SNX18: variants seen among roughly 807,000 people sequenced by gnomAD.
SNX18 encodes sorting nexin 18, also known as sorting nexin-18.
SNX18 carries 35 observed loss-of-function variants against 48.7 expected under a neutral mutation model. The observed-to-expected ratio is 0.72, with a 90% confidence interval of 0.55 to 0.95. The LOEUF is 0.95. Among genes scored for constraint, SNX18 ranks in the 40% least tolerant of loss-of-function variants. The pLI is 0.00. For missense variants in SNX18, 824 were observed against 871.0 expected (o/e 0.95, Z 0.68); for synonymous variants, 492 against 384.7 (o/e 1.28, Z -3.26).
At chr5:54,547,439 A>G (rs1430173290), downstream of SNX18, among the ~76,000 whole-genome samples, 2 of 152,248 alleles carry the variant, frequency 1.3e-5, no homozygotes, top group African/African-American at 4.8e-5. Flanking sequence ...AAACTAGATT[A>G]CACTGAATGT....
chr5:54,577,986 C>T, the SNX18 span, among the ~76,000 whole-genome samples: 1 of 152,178 alleles, frequency 6.6e-6, no homozygotes, highest in Non-Finnish European at 1.5e-5. Flanking sequence ...CTCATTATTA[C>T]ACAAAAATGC....
the SNX18 span, among the ~76,000 whole-genome samples, chr5:54,611,767 G>A: frequency 6.6e-6 from 1 of 152,144 alleles, no homozygotes; most frequent in South Asian, 2.1e-4. Flanking sequence ...GGCTGGAAAT[G>A]ATGGGGAAGC....
At chr5:54,634,273 G>A in the SNX18 span, among the ~76,000 whole-genome samples, 1 of 152,128 alleles carries the variant, frequency 6.6e-6, no homozygotes, top group Non-Finnish European at 1.5e-5. Context: ...TGGGGTGGAA[G>A]AAGAATTCCA....
the SNX18 span, among the ~76,000 whole-genome samples, chr5:54,630,829 C>CAAAAA: frequency 9.5e-5 from 9 of 94,510 alleles, no homozygotes; most frequent in African/African-American, 3.2e-4. Flanking sequence ...AAGACTCAGT[C>CAAAAA]AAAAAAAAAA....
chr5:54,624,209 GTAA>G, the SNX18 span, among the ~76,000 whole-genome samples: 1 of 152,140 alleles, frequency 6.6e-6, no homozygotes, highest in Non-Finnish European at 1.5e-5. Context: ...ACACTATGCA[GTAA>G]CTGCACAAAA....
chr5:54,531,708 A>C (rs1206075917), intron 1 of SNX18, among the ~76,000 whole-genome samples: 1 of 152,212 alleles, frequency 6.6e-6, no homozygotes, highest in South Asian at 2.1e-4. Context: ...GGGCCCTGCC[A>C]GTGCGAGGCA....
At chr5:54,532,045 GC>G (rs1417258649) in intron 1 of SNX18, among the ~76,000 whole-genome samples, 2 of 152,288 alleles carry the variant, frequency 1.3e-5, no homozygotes, top group African/African-American at 4.8e-5. Flanking sequence ...ATCTTGCCTT[GC>G]CTTGGCTTCT....
At chr5:54,554,922 T>A in the SNX18 span, among the ~76,000 whole-genome samples, 12 of 152,194 alleles carry the variant, frequency 7.9e-5, no homozygotes, top group African/African-American at 2.9e-4. Flanking sequence ...AAGGAAGATT[T>A]TATGATTCAT....
the SNX18 span, among the ~76,000 whole-genome samples, chr5:54,631,693 G>A: frequency 6.6e-6 from 1 of 152,226 alleles, no homozygotes; most frequent in Non-Finnish European, 1.5e-5. Context: ...GTGACAATCA[G>A]TACTAGCTGA....
the SNX18 span, among the ~76,000 whole-genome samples, chr5:54,612,540 G>A: frequency 6.6e-6 from 1 of 152,136 alleles, no homozygotes; most frequent in African/African-American, 2.4e-5. Context: ...TGGGATTACA[G>A]GCGTGAGCCA....
downstream of SNX18, among the ~76,000 whole-genome samples, chr5:54,548,229 T>C (rs1294608451): frequency 6.6e-6 from 1 of 152,204 alleles, no homozygotes; most frequent in African/African-American, 2.4e-5. Context: ...ACCAGAAGCA[T>C]GCCAAAGGCA....
chr5:54,640,925 T>C, the SNX18 span, among the ~76,000 whole-genome samples: 1 of 152,152 alleles, frequency 6.6e-6, no homozygotes. Context: ...CTGAGTGTGG[T>C]GGCACATGCC....
the SNX18 span, among the ~76,000 whole-genome samples, chr5:54,646,662 C>A: frequency 6.6e-6 from 1 of 152,198 alleles, no homozygotes; most frequent in Admixed American, 6.5e-5. Flanking sequence ...GCAGGAAAAG[C>A]ACTCCCCAAA....
Position 54,544,141 on chromosome 5 carries a change from C to T in SNX18, c.*709C>T, listed in dbSNP as rs1425866756. ...CAGGGGAGTGAGATTCATTGCTCATCTTTGGATATGAAGTCTGTTAGGGAA... is the reference window on the plus strand; with the variant it reads ...CAGGGGAGTGAGATTCATTGCTCATTTTTGGATATGAAGTCTGTTAGGGAA... On this transcript the variant is annotated 3_prime_UTR_variant, in exon 2 of 2. Coordinates refer to ENST00000381410, the MANE Select transcript of SNX18 (RefSeq NM_001102575.2). The T allele has an allele frequency of 2.0e-5, 3 of 152,178 alleles. No individual in the cohort carries two copies. The highest frequency in any genetic ancestry group is 2.9e-5 in the Non-Finnish European group (2 of 68,072). The allele number at this position is 152,178 out of a possible 1,614,324, so 9.4% of individuals were successfully genotyped here.
the SNX18 span, among the ~76,000 whole-genome samples, chr5:54,639,092 A>G: frequency 6.6e-6 from 1 of 152,228 alleles, no homozygotes; most frequent in African/African-American, 2.4e-5. Flanking sequence ...ACTTCATTAG[A>G]AATAAACATT....
Position 54,520,029 on chromosome 5 carries a change from C to T in SNX18, c.1621+456C>T, listed in dbSNP as rs117907417. The T allele has an allele frequency of 1.9e-3, 1,025 of 550,802 alleles. 18 individuals are homozygous for T. In the East Asian group the frequency reaches 0.027, roughly 15 times the overall value. 34.1% of individuals were successfully genotyped at this position (550,802 alleles called of 1,614,324 possible). A position where few individuals can be genotyped will look rare whatever the true frequency, so the allele number is the denominator to read the frequency against. On this transcript the variant is annotated intron_variant, in intron 1 of 1. Coordinates refer to ENST00000381410, the MANE Select transcript of SNX18 (RefSeq NM_001102575.2). ...AAATAGAAATCTGCTTTCACCCTTC[C>T]ACACCTCTCAATCTCTGCTTTGGTA...
the SNX18 span, among the ~76,000 whole-genome samples, chr5:54,628,782 G>A: frequency 6.6e-6 from 1 of 152,206 alleles, no homozygotes; most frequent in Non-Finnish European, 1.5e-5. Flanking sequence ...GGATTAACCA[G>A]GCCGCCTCAT....
chr5:54,587,732 C>T, the SNX18 span, among the ~76,000 whole-genome samples: 2 of 152,192 alleles, frequency 1.3e-5, no homozygotes, highest in Non-Finnish European at 2.9e-5. Flanking sequence ...TGGAGGGGTA[C>T]AGCACCATTG....
At chr5:54,606,567 C>T in the SNX18 span, among the ~76,000 whole-genome samples, 1 of 152,182 alleles carries the variant, frequency 6.6e-6, no homozygotes, top group African/African-American at 2.4e-5. Flanking sequence ...CTCTTCGTCC[C>T]ACCCCAGAGT....
Sources: allele counts gnomAD v4.1 joint callset (sites outside exome capture counted in the v4.1 genomes callset), GRCh38; gene constraint gnomAD v4.1.1; transcripts MANE v1.5; gene names NCBI Gene and HGNC (gene_info 2026-07-23, HGNC 2026-07-21).